Variants in RFX3 observed in about 807,000 individuals in gnomAD.
RFX3 encodes regulatory factor X3.
Under a neutral mutation model 98.6 loss-of-function variants are expected in RFX3, and 14 were observed. That is an observed-to-expected ratio of 0.14 (90% CI 0.09 to 0.22). The LOEUF (loss-of-function observed/expected upper bound fraction) is 0.22. RFX3 is among the 10% of genes least tolerant of loss of function. The probability of loss-of-function intolerance (pLI) is 1.00; values close to 1 mark genes in which losing one functional copy is unlikely to be tolerated. For synonymous variants in RFX3, 383 were observed against 328.4 expected, an observed-to-expected ratio of 1.17 and a Z score of -1.80; for missense variants, 639 against 926.9, an observed-to-expected ratio of 0.69 and a Z score of 4.03.
rs925570763 is a variant in RFX3 at position 3,420,284 on chromosome 9, C to T, written c.-8-24688G>A. Among the ~76,000 whole-genome samples the T allele has an allele frequency of 7.9e-5, 12 of 152,258 alleles. No homozygotes were observed. In the South Asian group the frequency reaches 1.2e-3, roughly 16 times the overall value. On this transcript the variant is annotated intron_variant, in intron 1 of 16. Transcript: ENST00000617270. ...GGCTGAGTACTAACAGGACATTCTA[C>T]GGTTCATGAAACCAAATGCCCCTAC...
chr9:3,426,942 G>A (rs974883944), intron 1 of RFX3, among the ~76,000 whole-genome samples: 22 of 151,914 alleles, frequency 1.4e-4, no homozygotes, highest in South Asian at 1.0e-3. Context: ...CCATAAAACC[G>A]GTCCCTGGTG....
At chr9:3,346,633 G>A (rs1834469274) in intron 3 of RFX3, 34 bp downstream of exon 3, 7 of 1,295,594 alleles carry the variant, frequency 5.4e-6, no homozygotes, top group Non-Finnish European at 7.9e-6. Context: ...TCTCTGAGTG[G>A]GGGAATTAAA....
chr9:3,253,956 C>G (rs1402941624), intron 14 of RFX3, among the ~76,000 whole-genome samples: 2 of 152,144 alleles, frequency 1.3e-5, no homozygotes, highest in Non-Finnish European at 2.9e-5. Flanking sequence ...AGTTTCTCAG[C>G]TATTGACTTT....
intron 14 of RFX3, 41 bp downstream of exon 14, chr9:3,256,950 A>C (rs1381823646): frequency 6.5e-7 from 1 of 1,527,800 alleles, no homozygotes; most frequent in Non-Finnish European, 9.1e-7. Flanking sequence ...ACATATTTGC[A>C]GAATATGAAG....
intron 1 of RFX3, among the ~76,000 whole-genome samples, chr9:3,400,772 CT>C (rs1420169240): frequency 6.6e-6 from 1 of 152,194 alleles, no homozygotes; most frequent in Non-Finnish European, 1.5e-5. Flanking sequence ...ACACTAAGTG[CT>C]TTAAATACAT....
chr9:3,306,064 G>C (rs1197599909), intron 4 of RFX3, among the ~76,000 whole-genome samples: 2 of 151,980 alleles, frequency 1.3e-5, no homozygotes, highest in African/African-American at 4.8e-5. Context: ...AACACTAAAT[G>C]ATGTTTTACC....
intron 4 of RFX3, among the ~76,000 whole-genome samples, chr9:3,313,840 A>C (rs943824961): frequency 6.6e-6 from 1 of 152,212 alleles, no homozygotes; most frequent in Non-Finnish European, 1.5e-5. Context: ...GTAAAAAGAA[A>C]CGAACAAAGC....
At chr9:3,504,839 A>C (rs1481538858) in intron 1 of RFX3, among the ~76,000 whole-genome samples, 4 of 35,056 alleles carry the variant, frequency 1.1e-4, no homozygotes, top group East Asian at 7.2e-4. Flanking sequence ...ATATGTATAA[A>C]ATATATATAT....
At chr9:3,408,468 T>G (rs1842157594) in intron 1 of RFX3, among the ~76,000 whole-genome samples, 1 of 152,104 alleles carries the variant, frequency 6.6e-6, no homozygotes, top group Admixed American at 6.6e-5. Flanking sequence ...TAGAACATAC[T>G]TTGTTACAAG....
intron 1 of RFX3, among the ~76,000 whole-genome samples, chr9:3,402,057 TCA>T (rs1424688710): frequency 1.3e-5 from 2 of 152,202 alleles, no homozygotes; most frequent in African/African-American, 4.8e-5. Flanking sequence ...ACACTCAAAT[TCA>T]CAGTTGGATT....
chr9:3,432,985 G>C (rs952156022), intron 1 of RFX3, among the ~76,000 whole-genome samples: 1 of 152,070 alleles, frequency 6.6e-6, no homozygotes, highest in African/African-American at 2.4e-5. Flanking sequence ...CCAGGTTAGC[G>C]TGTAAGTTTA....
intron 1 of RFX3, among the ~76,000 whole-genome samples, chr9:3,410,879 T>C (rs931528391): frequency 6.6e-6 from 1 of 152,236 alleles, no homozygotes; most frequent in Non-Finnish European, 1.5e-5. Context: ...TATTGGTTTT[T>C]ACTAGCTCAT....
chr9:3,378,523 T>G (rs1838796845), intron 2 of RFX3, among the ~76,000 whole-genome samples: 1 of 151,554 alleles, frequency 6.6e-6, no homozygotes, highest in Non-Finnish European at 1.5e-5. Flanking sequence ...AAATAAAAAT[T>G]CTAACACTTC....
chr9:3,400,944 A>G (rs1313347113), intron 1 of RFX3, among the ~76,000 whole-genome samples: 3 of 152,250 alleles, frequency 2.0e-5, no homozygotes, highest in African/African-American at 7.2e-5. Context: ...ACTCTAAAGC[A>G]CATGATGTCA....
rs1835832174 is a variant in RFX3 at position 3,356,888 on chromosome 9, TCAATAA to T, written c.118-10130_118-10125del. ...TAAAAGAAAAAAACATATGATCACCTCAATAAATGCCAGAAAAGCATTTGACAAAAC... is the reference window on the plus strand; with the variant it reads ...TAAAAGAAAAAAACATATGATCACCTATGCCAGAAAAGCATTTGACAAAAC... On this transcript the variant is annotated intron_variant, in intron 2 of 16. Coordinates refer to ENST00000617270, the MANE Select transcript of RFX3 (RefSeq NM_001282116.2). Among the ~76,000 whole-genome samples, 8 of 151,482 alleles carry T rather than the reference TCAATAA, an allele frequency of 5.3e-5. No individual in the cohort carries two copies. The South Asian group carries it at 1.7e-3, about 32-fold the overall frequency.
intron 1 of RFX3, among the ~76,000 whole-genome samples, chr9:3,417,927 A>T (rs1361156441): frequency 6.6e-6 from 1 of 152,326 alleles, no homozygotes; most frequent in South Asian, 2.1e-4. Flanking sequence ...TAGTGACACT[A>T]TATAAATATC....
chr9:3,224,973 T>C lies in RFX3; in HGVS notation c.*69A>G. 2 of 1,478,518 alleles carry C rather than the reference T, an allele frequency of 1.4e-6. No homozygotes were observed. The highest frequency in any genetic ancestry group is 1.9e-6 in the Non-Finnish European group (2 of 1,071,344). 91.6% of individuals were successfully genotyped at this position (1,478,518 alleles called of 1,614,324 possible). ...TGACAACAGTCGACCTTCAGGCTTA[T>C]TAAATTTTCAACTTAAGCCCAATAT... On this transcript the variant is annotated 3_prime_UTR_variant, in exon 17 of 17. Coordinates refer to ENST00000617270, the MANE Select transcript of RFX3 (RefSeq NM_001282116.2).
chr9:3,344,807 A>T, intron 3 of RFX3: 1 of 710,108 alleles, frequency 1.4e-6, no homozygotes. Flanking sequence ...CGTCTTTTTC[A>T]TTTGGTATAA....
intron 1 of RFX3, among the ~76,000 whole-genome samples, chr9:3,448,203 A>G (rs1846226114): frequency 6.6e-6 from 1 of 152,150 alleles, no homozygotes; most frequent in African/African-American, 2.4e-5. Flanking sequence ...CAGTGGTTTT[A>G]GATATTTTTT....
Sources: allele counts gnomAD v4.1 joint callset (sites outside exome capture counted in the v4.1 genomes callset), GRCh38; gene constraint gnomAD v4.1.1; transcripts MANE v1.5; gene names NCBI Gene and HGNC (gene_info 2026-07-23, HGNC 2026-07-21).